Variants in MYO1H observed in about 807,000 individuals in gnomAD.
MYO1H encodes myosin IH.
In MYO1H, 118 loss-of-function variants were observed where a neutral mutation model predicts 149.3. The observed-to-expected ratio is 0.79, with a 90% CI of 0.68 to 0.92. The LOEUF is 0.92. Among genes scored for constraint, MYO1H ranks in the 40% least tolerant of loss-of-function variants. The pLI is 0.00. For missense variants in MYO1H, 1,212 were observed against 1,280.7 expected, an observed-to-expected ratio of 0.95 and a Z score of 0.82; for synonymous variants, 447 against 465.2, an observed-to-expected ratio of 0.96 and a Z score of 0.50.
At chr12:109,354,223 A>G (rs899824428) in intron 1 of MYO1H, 1 of 152,200 alleles carries the variant, frequency 6.6e-6, no homozygotes, top group African/African-American at 2.4e-5. Flanking sequence ...TATTTCTTGC[A>G]TATTTGTCAC....
chr12:109,411,738 G>T (rs1273674484), intron 13 of MYO1H, among the ~76,000 whole-genome samples, 156 bp from the exon 14 acceptor site: 1 of 120,178 alleles, frequency 8.3e-6, no homozygotes, highest in Non-Finnish European at 1.7e-5. Context: ...CAAACACATG[G>T]ATTAAGCCCT....
At chr12:109,424,946 T>G in intron 17 of MYO1H, 118 bp downstream of exon 17, 1 of 736,748 alleles carries the variant, frequency 1.4e-6, no homozygotes, top group Non-Finnish European at 2.4e-6. Flanking sequence ...CTCTAACAGA[T>G]TCTACTAAAT....
At position 109,350,966 on chromosome 12, in the gene MYO1H, A is replaced by G. The variant is rs1370109616; in HGVS notation, c.12+2994A>G. 4.2e-4 allele frequency among the ~76,000 whole-genome samples: 61 copies of G among 146,130 alleles called. 1 individual carries two copies. The Admixed American group carries it at 4.2e-3, about 10-fold the overall frequency. ...ATATACAGTTACATGCCATTTTGTTACATCTGTAGATTTATGGAACAACCA... is the reference window on the plus strand; with the variant it reads ...ATATACAGTTACATGCCATTTTGTTGCATCTGTAGATTTATGGAACAACCA... On this transcript the variant is annotated intron_variant, in intron 1 of 31. Coordinates refer to ENST00000310903, the Ensembl canonical transcript of MYO1H.
At chr12:109,343,568 A>G (rs1429545376), upstream of MYO1H, among the ~76,000 whole-genome samples, 2 of 152,202 alleles carry the variant, frequency 1.3e-5, no homozygotes, top group East Asian at 1.9e-4. Flanking sequence ...TATTCCTGCT[A>G]TCCCCAACCC....
At chr12:109,412,462 G>A (rs1278875231) in intron 14 of MYO1H, among the ~76,000 whole-genome samples, 1 of 152,156 alleles carries the variant, frequency 6.6e-6, no homozygotes, top group Non-Finnish European at 1.5e-5. Flanking sequence ...CCAGACACAA[G>A]TATGATTTTT....
the MYO1H span, among the ~76,000 whole-genome samples, chr12:109,312,311 C>T: frequency 1.3e-5 from 2 of 152,250 alleles, no homozygotes; most frequent in Admixed American, 1.3e-4. Flanking sequence ...CTCCCGGGTT[C>T]ACGCCATTCT....
the MYO1H span, among the ~76,000 whole-genome samples, chr12:109,321,545 C>T: frequency 6.6e-6 from 1 of 151,828 alleles, no homozygotes. Context: ...AGAGCGAGAT[C>T]CCTCTCAAAA....
rs575436638 is a variant in MYO1H at position 109,349,242 on chromosome 12, CCATG to C, written c.12+1273_12+1276del. Reference sequence around the variant, plus strand: ...CTTTACAAAATGCACGTAGAAGTAACCATGCAGATTGACTTATACATAGTTACAC... The same window carrying C: ...CTTTACAAAATGCACGTAGAAGTAACCAGATTGACTTATACATAGTTACAC... On this transcript the variant is annotated intron_variant, in intron 1 of 31. Transcript: ENST00000310903. Among the ~76,000 whole-genome samples, 18 of 152,202 alleles carry C rather than the reference CCATG, an allele frequency of 1.2e-4. 1 individual carries two copies. In the South Asian group the frequency reaches 3.1e-3, roughly 26 times the overall value.
chr12:109,441,653 A>T (rs972325547), exon 26 of MYO1H: 3 of 1,613,140 alleles, frequency 1.9e-6, no homozygotes, highest in African/African-American at 2.7e-5. Flanking sequence ...TCTTCAGGGG[A>T]AGGAAAGACG....
the MYO1H span, among the ~76,000 whole-genome samples, chr12:109,336,900 GCATGGAGTTGTCTAACATGGGCCAAA>G: frequency 6.6e-6 from 1 of 152,162 alleles, no homozygotes; most frequent in Non-Finnish European, 1.5e-5. Flanking sequence ...CTTCTTTGAA[GCATGGAGTTGTCTAACATGGGCCAAA>G]CATGGAGTTG....
intron 27 of MYO1H, among the ~76,000 whole-genome samples, 157 bp from the exon 28 acceptor site, chr12:109,443,357 C>T (rs546887930): frequency 0.023 from 443 of 19,272 alleles, 72 homozygotes; most frequent in African/African-American, 0.096. Context: ...TGTGTATATA[C>T]ACACACACAC....
chr12:109,315,505 G>A, the MYO1H span, among the ~76,000 whole-genome samples: 1 of 152,174 alleles, frequency 6.6e-6, no homozygotes, highest in Admixed American at 6.5e-5. Context: ...CCACAGACAG[G>A]CTTTGTTTGG....
chr12:109,389,842 T>C (rs1869564402), intron 2 of MYO1H, among the ~76,000 whole-genome samples: 1 of 152,208 alleles, frequency 6.6e-6, no homozygotes, highest in African/African-American at 2.4e-5. Flanking sequence ...TTTGTAATGC[T>C]GCTCGTGACT....
At chr12:109,397,301 T>G (rs557216568) in intron 4 of MYO1H, among the ~76,000 whole-genome samples, 21 of 152,326 alleles carry the variant, frequency 1.4e-4, no homozygotes, top group African/African-American at 4.8e-4. Context: ...ACAAGTCATT[T>G]TCTCCTGTGT....
At chr12:109,402,270 T>C (rs1297261716) in intron 6 of MYO1H, among the ~76,000 whole-genome samples, 7 of 152,236 alleles carry the variant, frequency 4.6e-5, no homozygotes, top group Admixed American at 4.6e-4. Flanking sequence ...TTTGATGTCA[T>C]TAACACCTTT....
rs34350111 is a variant in MYO1H, at chr12:109,371,213, C to CTTT, written c.13-17452_13-17450dup. Among the ~76,000 whole-genome samples the CTTT allele has an allele frequency of 5.6e-3, 657 of 118,296 alleles. 11 individuals carry two copies. Among genetic ancestry groups the CTTT allele is most frequent in the East Asian group, 0.021 (85 of 4,116 alleles). 77.6% of individuals were successfully genotyped at this position (118,296 alleles called of 152,430 possible). ...TACATTGGTTTTCTTTTTTTTCTTT[C>CTTT]TTTTTTTTTTTTTTTTTTTTGAAAT... is the stretch of plus-strand genomic sequence containing the variant. On this transcript the variant is annotated intron_variant, in intron 1 of 31. Transcript: ENST00000310903.
upstream of MYO1H, among the ~76,000 whole-genome samples, chr12:109,347,356 AT>A: frequency 6.6e-6 from 1 of 152,292 alleles, no homozygotes; most frequent in East Asian, 1.9e-4. Flanking sequence ...CAACCTTGTG[AT>A]TTTTTATGAG....
chr12:109,409,243 CTTCTTTTTTTTTTTTTTTTT>C, intron 10 of MYO1H, among the ~76,000 whole-genome samples: 1 of 59,072 alleles, frequency 1.7e-5, no homozygotes, highest in South Asian at 5.4e-4. Context: ...TCTTCTTCTT[CTTCTTTTTTTTTTTTTTTTT>C]TTTTTTTTTT....
At chr12:109,443,355 TACAC>T (rs10545297) in intron 27 of MYO1H, among the ~76,000 whole-genome samples, 155 bp from the exon 28 acceptor site, 2,446 of 74,700 alleles carry the variant, frequency 0.033, 537 homozygotes, top group African/African-American at 0.075. Context: ...TGTGTGTATA[TACAC>T]ACACACACAC....
Sources: gnomAD v4.1 joint callset for allele counts (sites outside exome capture counted in the v4.1 genomes callset) on GRCh38, gnomAD v4.1.1 for gene constraint, MANE v1.5 for transcripts, NCBI Gene and HGNC (gene_info 2026-07-23, HGNC 2026-07-21) for gene names.